SLC1A3: variants seen among roughly 807,000 people sequenced by gnomAD.
SLC1A3 encodes the protein solute carrier family 1 member 3.
A neutral mutation model predicts 48.1 loss-of-function variants in SLC1A3; 21 were observed. That is an observed-to-expected ratio of 0.44 (90% confidence interval 0.31 to 0.63). The LOEUF (loss-of-function observed/expected upper bound fraction) is 0.63. Ranked by LOEUF, SLC1A3 falls within the 20% of genes least tolerant of loss-of-function variation. The probability of loss-of-function intolerance (pLI) is 0.08; values close to 1 mark genes in which losing one functional copy is unlikely to be tolerated. For synonymous variants in SLC1A3, 239 were observed against 251.4 expected, an observed-to-expected ratio of 0.95 and a Z score of 0.47; for missense variants, 546 against 689.0, an observed-to-expected ratio of 0.79 and a Z score of 2.32.
intron 3 of SLC1A3, among the ~76,000 whole-genome samples, chr5:36,647,103 T>C (rs1343783427): frequency 6.6e-6 from 1 of 152,230 alleles, no homozygotes; most frequent in Admixed American, 6.5e-5. Context: ...TAATAAAATA[T>C]AGGTCTCATA....
At chr5:36,662,363 G>A (rs1164575428) in intron 3 of SLC1A3, among the ~76,000 whole-genome samples, 1 of 152,120 alleles carries the variant, frequency 6.6e-6, no homozygotes, top group African/African-American at 2.4e-5. Flanking sequence ...TATTTTCTGC[G>A]GTCCTGGGTT....
chr5:36,648,517 C>A (rs755737269), intron 3 of SLC1A3, among the ~76,000 whole-genome samples: 3 of 152,148 alleles, frequency 2.0e-5, no homozygotes, highest in Non-Finnish European at 2.9e-5. Flanking sequence ...GCTTTTATAA[C>A]CTTTGGTTGC....
At chr5:36,604,326 G>A (rs1398144891), upstream of SLC1A3, among the ~76,000 whole-genome samples, 1 of 142,998 alleles carries the variant, frequency 7.0e-6, no homozygotes, top group African/African-American at 2.9e-5. Flanking sequence ...CATTTATTTA[G>A]TGTTTCTAGA....
At chr5:36,673,189 C>T (rs1742066822) in intron 4 of SLC1A3, among the ~76,000 whole-genome samples, 1 of 152,142 alleles carries the variant, frequency 6.6e-6, no homozygotes, top group Admixed American at 6.5e-5. Context: ...AAGGGACAAG[C>T]ATTTATAATA....
At chr5:36,673,484 G>A (rs1009990628) in intron 4 of SLC1A3, among the ~76,000 whole-genome samples, 1 of 152,186 alleles carries the variant, frequency 6.6e-6, no homozygotes, top group South Asian at 2.1e-4. Flanking sequence ...AACAAGTCCT[G>A]CCACATGGGC....
At chr5:36,604,904 G>GGT (rs1352783182), upstream of SLC1A3, among the ~76,000 whole-genome samples, 1 of 41,770 alleles carries the variant, frequency 2.4e-5, no homozygotes, top group African/African-American at 1.4e-4. Context: ...AAAAAAAAGC[G>GGT]GTGGGGGGGG....
At chr5:36,602,366 A>G (rs1468271742), upstream of SLC1A3, among the ~76,000 whole-genome samples, 1 of 152,194 alleles carries the variant, frequency 6.6e-6, no homozygotes, top group East Asian at 1.9e-4. Flanking sequence ...AAGTATTATC[A>G]CGAAGATTAA....
chr5:36,626,018 T>C (rs1324450028), intron 2 of SLC1A3, among the ~76,000 whole-genome samples: 1 of 152,248 alleles, frequency 6.6e-6, no homozygotes. Flanking sequence ...GGTAAGAGAC[T>C]GTGTCATTCA....
chr5:36,667,900 T>G (rs574582295), intron 3 of SLC1A3: 2 of 152,306 alleles, frequency 1.3e-5, no homozygotes, highest in African/African-American at 4.8e-5. Context: ...CCAGATCAAA[T>G]GAAGAAAAAG....
chr5:36,620,557 T>A (rs565810697), intron 2 of SLC1A3, among the ~76,000 whole-genome samples: 2 of 152,202 alleles, frequency 1.3e-5, no homozygotes, highest in Non-Finnish European at 2.9e-5. Flanking sequence ...ATTCAGAAAG[T>A]GTGCTCAGCA....
intron 2 of SLC1A3, 67 bp downstream of exon 2, chr5:36,608,671 G>A: frequency 1.3e-6 from 2 of 1,597,642 alleles, no homozygotes; most frequent in Non-Finnish European, 1.7e-6. Context: ...GCTGCCCGGG[G>A]AATATTATCA....
At chr5:36,678,173 T>C (rs2301066) in intron 6 of SLC1A3, among the ~76,000 whole-genome samples, 76,406 of 151,858 alleles carry the variant, frequency 0.5, 19,633 homozygotes, top group Middle Eastern at 0.62. Flanking sequence ...CTAAGAAAAG[T>C]ACTCAGTCAC....
intron 2 of SLC1A3, among the ~76,000 whole-genome samples, chr5:36,609,914 C>T (rs972746060): frequency 5.3e-5 from 8 of 152,110 alleles, no homozygotes; most frequent in African/African-American, 1.9e-4. Flanking sequence ...AAAGTCATTG[C>T]CAAGCCAAGC....
At chr5:36,629,199 G>A (rs1320746113) in intron 2 of SLC1A3, among the ~76,000 whole-genome samples, 2 of 152,086 alleles carry the variant, frequency 1.3e-5, no homozygotes, top group African/African-American at 4.8e-5. Context: ...GTTAGACAAA[G>A]GGATTTTTTT....
chr5:36,608,814 C>T, intron 2 of SLC1A3: 1 of 1,336,166 alleles, frequency 7.5e-7, no homozygotes, highest in Non-Finnish European at 9.5e-7. Context: ...CATCATTAGG[C>T]ATTATGCAAA....
intron 3 of SLC1A3, among the ~76,000 whole-genome samples, chr5:36,643,591 A>C (rs1473484682): frequency 6.6e-6 from 1 of 152,206 alleles, no homozygotes; most frequent in Admixed American, 6.5e-5. Context: ...TAGACTATAC[A>C]GGGATTACTG....
intron 2 of SLC1A3, among the ~76,000 whole-genome samples, chr5:36,622,580 A>G (rs1433845489): frequency 6.6e-6 from 1 of 152,212 alleles, no homozygotes; most frequent in East Asian, 1.9e-4. Context: ...CCAAATTCTT[A>G]AAGTTGGTCT....
intron 2 of SLC1A3, chr5:36,608,919 G>C (rs547601605): frequency 1.3e-5 from 14 of 1,075,952 alleles, no homozygotes; most frequent in South Asian, 3.8e-5. Context: ...GACAAAGCAA[G>C]CATGCTAGAT....
chr5:36,629,457 C>G lies in SLC1A3; in HGVS notation c.189C>G (p.Ile63Met), dbSNP rs555226116. ...TTTTTTTTTTTCCTTCAGGTACAAT[C>G]CTTGGATTTACCCTCCGACCATACA... ...LTVTAVIVGT[I>M]LGFTLRPYRM... Residue 63 changes from isoleucine to methionine, a missense_variant, in exon 3 of 10, where the codon ATC (isoleucine) becomes ATG (methionine). Ile to Met is a conservative substitution (Grantham distance 10). Transcript: ENST00000265113. 1.3e-6 allele frequency: 2 copies of G among 1,597,390 alleles called. No homozygotes were observed. The highest frequency in any genetic ancestry group is 1.7e-6 in the Non-Finnish European group (2 of 1,170,402).
Sources: allele counts gnomAD v4.1 joint callset (sites outside exome capture counted in the v4.1 genomes callset), GRCh38; gene constraint gnomAD v4.1.1; transcripts MANE v1.5; gene names NCBI Gene and HGNC (gene_info 2026-07-23, HGNC 2026-07-21).